LRRC4C: variants seen among roughly 807,000 people sequenced by gnomAD.
The protein encoded by LRRC4C is leucine rich repeat containing 4C, also known as leucine-rich repeat-containing protein 4C.
LRRC4C carries 5 observed loss-of-function variants against 33.6 expected under a neutral mutation model. That is an observed-to-expected ratio of 0.15 (90% CI 0.08 to 0.31). The LOEUF (loss-of-function observed/expected upper bound fraction) is 0.31. Ranked by LOEUF, LRRC4C falls within the 10% of genes least tolerant of loss-of-function variation. The pLI is 1.00. For missense variants in LRRC4C, 560 were observed against 796.7 expected (o/e 0.70, Z 3.58); for synonymous variants, 329 against 302.0 (o/e 1.09, Z -0.93).
intron 2 of LRRC4C, among the ~76,000 whole-genome samples, chr11:40,671,679 A>AGT (rs1944123611): frequency 2.4e-5 from 1 of 41,244 alleles, no homozygotes; most frequent in African/African-American, 9.4e-5. Flanking sequence ...GTGTGTGTGT[A>AGT]GTATATATAT....
intron 1 of LRRC4C, among the ~76,000 whole-genome samples, chr11:41,443,612 T>C (rs997974653): frequency 5.3e-5 from 8 of 151,876 alleles, no homozygotes; most frequent in African/African-American, 1.7e-4. Flanking sequence ...CTTTCTTTTC[T>C]TCTTCTTCTT....
At chr11:40,338,667 C>A (rs911271214) in intron 3 of LRRC4C, among the ~76,000 whole-genome samples, 1 of 152,114 alleles carries the variant, frequency 6.6e-6, no homozygotes, top group East Asian at 1.9e-4. Flanking sequence ...ATGATGAAAT[C>A]ATTTTGAAAG....
intron 1 of LRRC4C, among the ~76,000 whole-genome samples, chr11:41,110,321 A>T (rs1941756762): frequency 1.3e-5 from 2 of 152,078 alleles, no homozygotes; most frequent in African/African-American, 4.8e-5. Flanking sequence ...AAGCTTAATA[A>T]TAGCTAATAT....
chr11:41,425,595 C>T (rs1420286233), intron 1 of LRRC4C, among the ~76,000 whole-genome samples: 2 of 152,108 alleles, frequency 1.3e-5, no homozygotes, highest in Non-Finnish European at 2.9e-5. Flanking sequence ...ACAGCTCTTA[C>T]TGAACAGTGT....
chr11:40,877,929 C>T (rs1954986297), intron 2 of LRRC4C, among the ~76,000 whole-genome samples: 1 of 150,602 alleles, frequency 6.6e-6, no homozygotes, highest in Non-Finnish European at 1.5e-5. Flanking sequence ...TTACAATGAA[C>T]CTGTAATTTA....
chr11:40,591,735 C>A (rs942234245), intron 3 of LRRC4C, among the ~76,000 whole-genome samples: 11 of 152,172 alleles, frequency 7.2e-5, no homozygotes, highest in African/African-American at 2.4e-4. Flanking sequence ...TCATTAGTGA[C>A]CTTAACCTTG....
chr11:40,442,621 A>G (rs1287081606), intron 3 of LRRC4C, among the ~76,000 whole-genome samples: 1 of 152,216 alleles, frequency 6.6e-6, no homozygotes, highest in Admixed American at 6.5e-5. Context: ...CAAAGCCTAA[A>G]GTGTGATTCT....
At chr11:41,087,239 C>A (rs1020260956) in intron 1 of LRRC4C, among the ~76,000 whole-genome samples, 1 of 152,220 alleles carries the variant, frequency 6.6e-6, no homozygotes, top group Non-Finnish European at 1.5e-5. Flanking sequence ...AATACCATAG[C>A]TGAATCCACG....
chr11:40,830,260 A>G (rs1012844896), intron 2 of LRRC4C, among the ~76,000 whole-genome samples: 1 of 152,136 alleles, frequency 6.6e-6, no homozygotes, highest in African/African-American at 2.4e-5. Flanking sequence ...AGAGGCAGTT[A>G]ACTACAGTTC....
chr11:41,336,580 T>C (rs945535143), intron 1 of LRRC4C, among the ~76,000 whole-genome samples: 1 of 152,250 alleles, frequency 6.6e-6, no homozygotes, highest in African/African-American at 2.4e-5. Context: ...ACTGGTCCTC[T>C]ATCCACTTTT....
chr11:41,265,802 C>G (rs755317367), intron 1 of LRRC4C, among the ~76,000 whole-genome samples: 4 of 152,002 alleles, frequency 2.6e-5, no homozygotes, highest in Non-Finnish European at 5.9e-5. Flanking sequence ...ACTCATATTA[C>G]CTGCCTTCCT....
chr11:40,620,354 C>T (rs144251972), intron 3 of LRRC4C, among the ~76,000 whole-genome samples: 150 of 151,812 alleles, frequency 9.9e-4, no homozygotes, highest in African/African-American at 3.5e-3. Flanking sequence ...CTTGGGCTCT[C>T]TTATGCTTTC....
intron 3 of LRRC4C, among the ~76,000 whole-genome samples, chr11:40,485,775 A>T (rs1376305151): frequency 6.6e-6 from 1 of 152,142 alleles, no homozygotes; most frequent in South Asian, 2.1e-4. Context: ...GATAAACTGG[A>T]TAAAGAAAAT....
intron 1 of LRRC4C, among the ~76,000 whole-genome samples, chr11:41,134,981 A>C (rs752019067): frequency 6.6e-6 from 1 of 152,154 alleles, no homozygotes; most frequent in Non-Finnish European, 1.5e-5. Context: ...GGATAAAACT[A>C]TCTCATTATG....
chr11:40,635,868 T>C (rs547868254), intron 3 of LRRC4C, among the ~76,000 whole-genome samples: 2 of 152,052 alleles, frequency 1.3e-5, no homozygotes, highest in South Asian at 2.1e-4. Context: ...CTCAATCTCC[T>C]GACCTTGTGA....
intron 3 of LRRC4C, among the ~76,000 whole-genome samples, chr11:40,440,341 T>C (rs1458411834): frequency 6.8e-6 from 1 of 147,762 alleles, no homozygotes; most frequent in African/African-American, 2.5e-5. Flanking sequence ...CCTCCAAAGC[T>C]CCAAACTGAT....
chr11:40,178,231 G>A (rs544277525), intron 5 of LRRC4C, among the ~76,000 whole-genome samples: 14 of 152,294 alleles, frequency 9.2e-5, no homozygotes, highest in Middle Eastern at 3.4e-3. Flanking sequence ...AGGCATATCC[G>A]TTCACTTGGT....
intron 2 of LRRC4C, among the ~76,000 whole-genome samples, chr11:40,899,357 G>C (rs566708237): frequency 1.3e-5 from 2 of 152,106 alleles, no homozygotes; most frequent in Non-Finnish European, 2.9e-5. Flanking sequence ...TCTTCGTACC[G>C]TGACCCTTCG....
At chr11:40,560,296 G>A (rs114064202) in intron 3 of LRRC4C, among the ~76,000 whole-genome samples, 2,587 of 152,128 alleles carry the variant, frequency 0.017, 47 homozygotes, top group African/African-American at 0.048. Flanking sequence ...ACAGCACCAG[G>A]CATTGATCTT....
Sources: allele counts gnomAD v4.1 joint callset (sites outside exome capture counted in the v4.1 genomes callset), GRCh38; gene constraint gnomAD v4.1.1; transcripts MANE v1.5; gene names NCBI Gene and HGNC (gene_info 2026-07-23, HGNC 2026-07-21).